DLC1: variants seen among roughly 807,000 people sequenced by gnomAD.
DLC1 encodes rho GTPase-activating protein 7.
A neutral mutation model predicts 140.3 loss-of-function variants in DLC1; 54 were observed. That is an observed-to-expected ratio of 0.38 (90% CI 0.31 to 0.48). DLC1 has a LOEUF of 0.48. Among genes scored for constraint, DLC1 ranks in the 20% least tolerant of loss-of-function variants. The pLI is 0.96. For synonymous variants in DLC1, 986 were observed against 728.1 expected (o/e 1.35, Z -5.70); for missense variants, 2,536 against 1,907.0 (o/e 1.33, Z -6.14).
chr8:13,335,801 G>C (rs1008760290), intron 4 of DLC1, among the ~76,000 whole-genome samples: 2 of 151,932 alleles, frequency 1.3e-5, no homozygotes, highest in African/African-American at 4.8e-5. Context: ...TAAAGTCTGC[G>C]ATGATTCTCT....
intron 6 of DLC1, among the ~76,000 whole-genome samples, chr8:13,115,110 T>A (rs377760144): frequency 6.6e-6 from 1 of 152,186 alleles, no homozygotes; most frequent in East Asian, 1.9e-4. Flanking sequence ...GAATAAACAG[T>A]GGTTTCTTGT....
chr8:13,086,345 C>T lies in DLC1; in HGVS notation c.4411G>A (p.Glu1471Lys). The T allele has an allele frequency of 1.2e-6, 2 of 1,614,216 alleles. No homozygotes were observed. The highest frequency in any genetic ancestry group is 1.7e-6 in the Non-Finnish European group (2 of 1,180,046). Residue 1471 changes from glutamate to lysine, a missense_variant, in exon 17 of 18, where the codon GAA becomes AAA. Glu to Lys is a moderately conservative substitution (Grantham distance 56). Transcript: ENST00000276297. Reference protein sequence around the residue: ...VNVLLSRYLIEPCGPGKSKLT... With the variant: ...VNVLLSRYLIKPCGPGKSKLT... The stretch of plus-strand genomic sequence containing the variant: ...TTGGATTTTCCTGGCCCACAGGGTT[C>T]AATCAAATACCTGGACAAGAGCACA...
At chr8:13,273,731 A>C (rs1468656050) in intron 5 of DLC1, among the ~76,000 whole-genome samples, 1 of 31,014 alleles carries the variant, frequency 3.2e-5, no homozygotes, top group East Asian at 8.2e-4. Context: ...TGTGTGTGTA[A>C]GGGGGAAGGG....
At chr8:13,355,117 AG>A (rs1389225264) in intron 4 of DLC1, among the ~76,000 whole-genome samples, 12 of 43,640 alleles carry the variant, frequency 2.7e-4, no homozygotes, top group Non-Finnish European at 5.4e-4. Flanking sequence ...TATACCATAA[AG>A]AATTAATTAT....
At chr8:13,316,663 G>T (rs769472321) in intron 4 of DLC1, among the ~76,000 whole-genome samples, 1 of 152,030 alleles carries the variant, frequency 6.6e-6, no homozygotes, top group African/African-American at 2.4e-5. Context: ...CTTGGAACTG[G>T]TTGTGACTTT....
At chr8:13,204,272 G>C (rs1346273068) in intron 5 of DLC1, among the ~76,000 whole-genome samples, 1 of 152,128 alleles carries the variant, frequency 6.6e-6, no homozygotes, top group African/African-American at 2.4e-5. Flanking sequence ...GGGCTGGATG[G>C]GTGGAAAACA....
rs201189821 is a variant in DLC1 at position 13,100,073 on chromosome 8, G to A, written c.2264C>T (p.Thr755Met). ...CCGGGTCCTCGTAACAGGGCTGGGC[G>A]TGCTGACCGCGCTGCTGGTCTCCGA... ...SQSETSSAVSTPSPVTRTRSL... is the reference protein window; with the variant it reads ...SQSETSSAVSMPSPVTRTRSL... Residue 755 changes from threonine (T) to methionine (M), a missense_variant, in exon 9 of 18, where the codon ACG becomes ATG. Transcript: ENST00000276297. 31 of 1,613,520 alleles carry A rather than the reference G, an allele frequency of 1.9e-5. No homozygotes were observed. Among genetic ancestry groups the A allele is most frequent in the Middle Eastern group, 1.6e-4 (1 of 6,062 alleles).
intron 11 of DLC1, 30 bp from the exon 12 acceptor site, chr8:13,094,987 T>C: frequency 6.2e-7 from 1 of 1,613,900 alleles, no homozygotes; most frequent in Non-Finnish European, 8.5e-7. Flanking sequence ...AAGTGTGGGG[T>C]ACATTCACGT....
At chr8:13,553,966 C>G (rs1803956154) in intron 1 of DLC1, among the ~76,000 whole-genome samples, 1 of 152,088 alleles carries the variant, frequency 6.6e-6, no homozygotes, top group African/African-American at 2.4e-5. Context: ...AACATCCCTG[C>G]CCCCTTGTCA....
intron 4 of DLC1, among the ~76,000 whole-genome samples, chr8:13,327,476 T>G (rs1434203890): frequency 7.2e-6 from 1 of 139,580 alleles, no homozygotes; most frequent in Non-Finnish European, 1.6e-5. Flanking sequence ...TCTGGCATTT[T>G]TTTTTCTTTG....
chr8:13,309,642 G>A (rs17800769), intron 4 of DLC1, among the ~76,000 whole-genome samples: 7,715 of 152,222 alleles, frequency 0.051, 242 homozygotes, highest in South Asian at 0.12. Context: ...TGCTGATTTT[G>A]ACATGCCACA....
rs118154864 is a variant in DLC1, at chr8:13,123,084, G to A, written c.1349-7427C>T. 6.0e-3 allele frequency among the ~76,000 whole-genome samples: 910 copies of A among 152,278 alleles called. 3 individuals are homozygous for A. The highest frequency in any genetic ancestry group is 1.0e-2 in the Non-Finnish European group (677 of 68,026). On this transcript the variant is annotated intron_variant, in intron 5 of 17. Transcript: ENST00000276297. The stretch of plus-strand genomic sequence containing the variant: ...GGAAATTCACAGTGGAGTACAGCGC[G>A]TATGAGGACCCTCTATCCTCCACTT...
intron 2 of DLC1, among the ~76,000 whole-genome samples, chr8:13,407,430 G>A (rs1298479012): frequency 2.6e-5 from 4 of 152,084 alleles, no homozygotes; most frequent in African/African-American, 4.8e-5. Flanking sequence ...CACACACAAG[G>A]CAGTTGGGGA....
intron 5 of DLC1, among the ~76,000 whole-genome samples, chr8:13,280,155 G>T (rs1412736409): frequency 2.0e-5 from 3 of 151,306 alleles, no homozygotes; most frequent in Non-Finnish European, 4.4e-5. Context: ...GGGCGTGGTG[G>T]CAGGTACCTA....
chr8:13,313,193 G>A (rs1407331883), intron 4 of DLC1, among the ~76,000 whole-genome samples: 1 of 152,082 alleles, frequency 6.6e-6, no homozygotes, highest in Non-Finnish European at 1.5e-5. Context: ...TGCTCATTCT[G>A]TACTAATGTG....
chr8:13,258,580 A>G (rs35813321), intron 5 of DLC1, among the ~76,000 whole-genome samples: 19,724 of 152,198 alleles, frequency 0.13, 1,342 homozygotes, highest in South Asian at 0.24. Context: ...TGTGACTTTT[A>G]ACCAGTTACC....
At chr8:13,466,706 A>G (rs1252047414) in intron 2 of DLC1, among the ~76,000 whole-genome samples, 3 of 152,170 alleles carry the variant, frequency 2.0e-5, no homozygotes, top group African/African-American at 7.2e-5. Context: ...TAGAGGTAAA[A>G]AATATATCTC....
intron 1 of DLC1, among the ~76,000 whole-genome samples, chr8:13,585,574 C>T (rs532914484): frequency 3.3e-5 from 5 of 152,262 alleles, no homozygotes; most frequent in South Asian, 2.1e-4. Flanking sequence ...AAACAACATA[C>T]GTGTATTGTC....
intron 4 of DLC1, among the ~76,000 whole-genome samples, chr8:13,331,915 C>A (rs370039724): frequency 6.6e-6 from 1 of 152,102 alleles, no homozygotes; most frequent in Non-Finnish European, 1.5e-5. Context: ...TTTTCCTAGA[C>A]GCTTTCTTGA....
Sources: allele counts gnomAD v4.1 joint callset (sites outside exome capture counted in the v4.1 genomes callset), GRCh38; gene constraint gnomAD v4.1.1; transcripts MANE v1.5; gene names NCBI Gene and HGNC (gene_info 2026-07-23, HGNC 2026-07-21).